Variants in CUX1 observed in about 807,000 individuals in gnomAD.
CUX1 encodes protein CASP.
In CUX1, 31 loss-of-function variants were observed where a neutral mutation model predicts 158.8. The observed-to-expected ratio is 0.20, with a 90% CI of 0.15 to 0.26. CUX1 has a LOEUF of 0.26. Ranked by LOEUF, CUX1 falls within the 10% of genes least tolerant of loss-of-function variation. The probability of loss-of-function intolerance (pLI) is 1.00; values close to 1 mark genes in which losing one functional copy is unlikely to be tolerated. For synonymous variants in CUX1, 879 were observed against 862.1 expected (o/e 1.02, Z -0.34); for missense variants, 1,589 against 2,014.6 (o/e 0.79, Z 4.04).
chr7:102,274,566 T>C (rs1293408352), intron 16 of CUX1, among the ~76,000 whole-genome samples: 1 of 152,150 alleles, frequency 6.6e-6, no homozygotes, highest in African/African-American at 2.4e-5. Context: ...CAGTGAGCTA[T>C]GATGGTGCCA....
intron 2 of CUX1, among the ~76,000 whole-genome samples, chr7:101,923,705 C>T (rs1292438377): frequency 6.6e-6 from 1 of 152,222 alleles, no homozygotes; most frequent in Non-Finnish European, 1.5e-5. Flanking sequence ...GTGCTTTCTA[C>T]ACCTGTCCTG....
chr7:101,951,989 A>G, intron 2 of CUX1, among the ~76,000 whole-genome samples: 1 of 152,240 alleles, frequency 6.6e-6, no homozygotes. Context: ...ATAAAACTTT[A>G]TCTAAAAAGA....
At chr7:101,882,743 G>A (rs797020227) in intron 1 of CUX1, among the ~76,000 whole-genome samples, 13 of 152,224 alleles carry the variant, frequency 8.5e-5, no homozygotes, top group African/African-American at 2.6e-4. Flanking sequence ...CTGCACGTGG[G>A]TCCTTGCTTT....
intron 2 of CUX1, among the ~76,000 whole-genome samples, chr7:101,964,021 G>A (rs1342947312): frequency 5.3e-5 from 8 of 152,088 alleles, no homozygotes; most frequent in African/African-American, 1.4e-4. Context: ...CTGTGAGGTC[G>A]GGAGATCGGG....
rs1801515530 is a variant in CUX1 at position 102,251,632 on chromosome 7, C to G, written c.*2590C>G. The G allele has an allele frequency of 2.0e-6, 2 of 985,286 alleles. No individual in the cohort carries two copies. Among genetic ancestry groups the G allele is most frequent in the Non-Finnish European group, 2.4e-6 (2 of 829,938 alleles). The allele number at this position is 985,286 out of a possible 1,614,324, so 61.0% of individuals were successfully genotyped here. A position where few individuals can be genotyped will look rare whatever the true frequency, so the allele number is the denominator to read the frequency against. On this transcript the variant is annotated 3_prime_UTR_variant, in exon 24 of 24. Coordinates refer to ENST00000292535, the MANE Select transcript of CUX1 (RefSeq NM_181552.4). ...ACACGGGTCAACATCTAGCTCGATTCAGGTGCATTGAGAAGAGTGAGTTCA... is the reference window on the plus strand; with the variant it reads ...ACACGGGTCAACATCTAGCTCGATTGAGGTGCATTGAGAAGAGTGAGTTCA...
In CUX1 at chr7:102,256,251, T is replaced by C. The variant is rs987096111; in HGVS notation, c.*7209T>C. 27 of 985,328 alleles carry C rather than the reference T, an allele frequency of 2.7e-5. No homozygotes were observed. In the Middle Eastern group the frequency reaches 1.5e-3, roughly 57 times the overall value. 61.0% of individuals were successfully genotyped at this position (985,328 alleles called of 1,614,324 possible). On this transcript the variant is annotated 3_prime_UTR_variant, in exon 24 of 24. Coordinates refer to ENST00000292535, the MANE Select transcript of CUX1 (RefSeq NM_181552.4). ...AGCACTTAATCTTGTCTTGTTGAAA[T>C]GGACTGACTGCTACTGACCTGCCGG...
intron 8 of CUX1, among the ~76,000 whole-genome samples, chr7:102,137,364 G>A (rs1466352693): frequency 2.0e-5 from 3 of 152,146 alleles, no homozygotes; most frequent in Non-Finnish European, 4.4e-5. Flanking sequence ...GGTTGGGCGC[G>A]GTGGCTCACA....
chr7:102,042,455 T>C (rs1293034619), intron 3 of CUX1, among the ~76,000 whole-genome samples: 1 of 152,258 alleles, frequency 6.6e-6, no homozygotes, highest in South Asian at 2.1e-4. Context: ...TAGATTGGCA[T>C]GTTAGAAGCT....
At chr7:101,982,005 A>G (rs1354768231) in intron 2 of CUX1, among the ~76,000 whole-genome samples, 1 of 152,188 alleles carries the variant, frequency 6.6e-6, no homozygotes, top group Non-Finnish European at 1.5e-5. Context: ...ATTCACCAAG[A>G]TGGCCTAAAA....
chr7:101,874,534 T>C (rs1471550122), intron 1 of CUX1, among the ~76,000 whole-genome samples: 1 of 152,168 alleles, frequency 6.6e-6, no homozygotes, highest in Non-Finnish European at 1.5e-5. Context: ...TGGGAACTTT[T>C]TAGGATCGTG....
chr7:102,231,123 A>G (rs539483600), intron 21 of CUX1, among the ~76,000 whole-genome samples: 101 of 144,172 alleles, frequency 7.0e-4, no homozygotes, highest in Non-Finnish European at 1.1e-3. Flanking sequence ...TCCGCCTCCC[A>G]GGTTCACGCC....
intron 3 of CUX1, among the ~76,000 whole-genome samples, chr7:102,068,093 T>G (rs1459210566): frequency 6.6e-6 from 1 of 151,656 alleles, no homozygotes; most frequent in Non-Finnish European, 1.5e-5. Context: ...TTTGTTGTTG[T>G]TGTTGTTGTT....
intron 1 of CUX1, among the ~76,000 whole-genome samples, chr7:101,821,408 A>T (rs186230997): frequency 6.7e-6 from 1 of 149,610 alleles, no homozygotes; most frequent in East Asian, 2.0e-4. Context: ...GCACTATCTC[A>T]GCTCACTGCA....
chr7:102,192,306 G>C (rs1188287285), intron 12 of CUX1, among the ~76,000 whole-genome samples: 3 of 152,090 alleles, frequency 2.0e-5, no homozygotes, highest in Non-Finnish European at 4.4e-5. Flanking sequence ...CCTCCTGCTG[G>C]GGTCCTCACA....
chr7:101,831,638 A>G (rs1794027696), intron 1 of CUX1, among the ~76,000 whole-genome samples: 1 of 151,888 alleles, frequency 6.6e-6, no homozygotes, highest in Non-Finnish European at 1.5e-5. Context: ...GGCAAGGAAT[A>G]AGTGAGTGCC....
In CUX1 at chr7:102,257,040, TG is replaced by T. The variant is rs529876479; in HGVS notation, c.*7999del. 179 of 985,444 alleles carry T rather than the reference TG, an allele frequency of 1.8e-4. 1 individual carries two copies. The South Asian group carries it at 3.5e-3, about 19-fold the overall frequency. The allele number at this position is 985,444 out of a possible 1,614,324, so 61.0% of individuals were successfully genotyped here. ...AAGGTTGGGTGTGGAGATTGCTTGC[TG>T]TGGCCCCAAGCTCAGCCAGCAGGAC... is the stretch of plus-strand genomic sequence containing the variant. On this transcript the variant is annotated 3_prime_UTR_variant, in exon 24 of 24. Transcript: ENST00000292535.
chr7:102,233,673 G>A lies in CUX1; in HGVS notation c.3434-379G>A, dbSNP rs142586304. Among the ~76,000 whole-genome samples, 1,382 of 152,280 alleles carry A rather than the reference G, an allele frequency of 9.1e-3. 14 individuals are homozygous for A. The highest frequency in any genetic ancestry group is 0.032 in the African/African-American group (1,319 of 41,554). ...GTGGTGGCGAGCACCTGTAGTCCCA[G>A]GTACTCTGGAGGCTGAGACAGGAGA... On this transcript the variant is annotated intron_variant, in intron 21 of 23. Transcript: ENST00000292535.
At chr7:102,111,917 T>G in intron 7 of CUX1, 143 bp downstream of exon 7, 2 of 644,544 alleles carry the variant, frequency 3.1e-6, no homozygotes, top group Non-Finnish European at 5.5e-6. Flanking sequence ...GCTGAAGAAT[T>G]CCGCAGCACG....
intron 18 of CUX1, among the ~76,000 whole-genome samples, chr7:102,278,301 C>A (rs1436884411): frequency 6.6e-6 from 1 of 152,174 alleles, no homozygotes; most frequent in African/African-American, 2.4e-5. Context: ...TAAAAACTGG[C>A]CAGAAGGACC....
Sources: allele counts gnomAD v4.1 joint callset (sites outside exome capture counted in the v4.1 genomes callset), GRCh38; gene constraint gnomAD v4.1.1; transcripts MANE v1.5; gene names NCBI Gene and HGNC (gene_info 2026-07-23, HGNC 2026-07-21).